The following NECTIN2 variants were observed in gnomAD, a reference collection of about 807,000 sequenced individuals.
NECTIN2 encodes nectin-2.
A neutral mutation model predicts 56.9 loss-of-function variants in NECTIN2; 23 were observed. That is an observed-to-expected ratio of 0.40 (90% confidence interval 0.29 to 0.57). The LOEUF (loss-of-function observed/expected upper bound fraction) is 0.57, where lower values mean the gene tolerates loss of function less well. Among genes scored for constraint, NECTIN2 ranks in the 20% least tolerant of loss-of-function variants. NECTIN2 has a pLI of 0.38. For synonymous variants in NECTIN2, 302 were observed against 313.8 expected (o/e 0.96, Z 0.40); for missense variants, 587 against 718.3 (o/e 0.82, Z 2.09).
intron 1 of NECTIN2, among the ~76,000 whole-genome samples, chr19:44,848,986 G>A (rs1381143373): frequency 6.6e-6 from 1 of 152,168 alleles, no homozygotes; most frequent in Non-Finnish European, 1.5e-5. Context: ...GTAGTGGAGG[G>A]GGAGGGGAGC....
chr19:44,863,467 T>C (rs1479445843), intron 1 of NECTIN2, among the ~76,000 whole-genome samples: 1 of 152,182 alleles, frequency 6.6e-6, no homozygotes, highest in African/African-American at 2.4e-5. Context: ...GTACGCTGTT[T>C]GCTATTCAGG....
chr19:44,852,663 A>G (rs8109701), intron 1 of NECTIN2, among the ~76,000 whole-genome samples: 2,556 of 152,210 alleles, frequency 0.017, 77 homozygotes, highest in African/African-American at 0.056. Flanking sequence ...GCAGTCCTCC[A>G]GGTGGGAAGT....
Position 44,878,201 on chromosome 19 carries a change from C to T in NECTIN2, c.1042+3723C>T, listed in dbSNP as rs186930841. 267 of 641,104 alleles carry T rather than the reference C, an allele frequency of 4.2e-4. 1 individual carries two copies. The African/African-American group carries it at 4.6e-3, about 11-fold the overall frequency. The allele number at this position is 641,104 out of a possible 1,614,324, so 39.7% of individuals were successfully genotyped here. On this transcript the variant is annotated intron_variant, in intron 5 of 8. Transcript: ENST00000252483. ...GTGTCTCCCTTTCTCTCTCTCTCAC[C>T]CCTCCTTCTCTCTCTCCTCAGAAAC...
chr19:44,879,133 C>G (rs1379363311), intron 5 of NECTIN2, among the ~76,000 whole-genome samples: 1 of 152,028 alleles, frequency 6.6e-6, no homozygotes, highest in Non-Finnish European at 1.5e-5. Flanking sequence ...ATTGGATGGC[C>G]GAGAACCGCA....
intron 1 of NECTIN2, among the ~76,000 whole-genome samples, chr19:44,847,753 C>T (rs1308354272): frequency 6.6e-6 from 1 of 152,160 alleles, no homozygotes; most frequent in Non-Finnish European, 1.5e-5. Flanking sequence ...CTCCGGGTTC[C>T]GGACTCCCCG....
At chr19:44,862,992 CAAAAAA>C (rs57740346) in intron 1 of NECTIN2, among the ~76,000 whole-genome samples, 93 of 123,106 alleles carry the variant, frequency 7.6e-4, no homozygotes, top group Non-Finnish European at 1.4e-3. Context: ...ACTAAAAATA[CAAAAAA>C]AAAAAAAAAA....
At position 44,846,372 on chromosome 19, in the gene NECTIN2, CGGGAGAGCAGAACA is replaced by C; in HGVS notation, c.-148_-135del. On this transcript the variant is annotated 5_prime_UTR_variant, in exon 1 of 9. Coordinates refer to ENST00000252483, the MANE Select transcript of NECTIN2 (RefSeq NM_001042724.2). ...CCGAGCCGGGCGGGGAGAGCTGGGC[CGGGAGAGCAGAACA>C]GGGAGGCTAGAGCGCAGCGGGAACC... The C allele has an allele frequency of 1.0e-6, 1 of 967,930 alleles. No homozygotes were observed. Among genetic ancestry groups the C allele is most frequent in the Non-Finnish European group, 1.4e-6 (1 of 716,398 alleles). 60.0% of individuals were successfully genotyped at this position (967,930 alleles called of 1,614,324 possible). A position where few individuals can be genotyped will look rare whatever the true frequency, so the allele number is the denominator to read the frequency against.
At chr19:44,870,953 C>T (rs1969167678) in intron 2 of NECTIN2, among the ~76,000 whole-genome samples, 3 of 152,174 alleles carry the variant, frequency 2.0e-5, no homozygotes, top group Admixed American at 1.3e-4. Context: ...TAGTCTAGAA[C>T]TCCTGACCTC....
chr19:44,851,562 T>C (rs1047000414), intron 1 of NECTIN2, among the ~76,000 whole-genome samples: 3 of 152,162 alleles, frequency 2.0e-5, no homozygotes, highest in South Asian at 4.1e-4. Context: ...CTGTCCCCAT[T>C]GTTCTCCCAT....
At chr19:44,883,656 T>TA (rs944136884) in intron 6 of NECTIN2, among the ~76,000 whole-genome samples, 4 of 151,996 alleles carry the variant, frequency 2.6e-5, no homozygotes, top group African/African-American at 9.7e-5. Context: ...ACACCATCTC[T>TA]AAAAAAATAA....
Position 44,875,281 on chromosome 19 carries a change from T to TG in NECTIN2, c.1042+803_1042+804insG, listed in dbSNP as rs1344687606. ...GAAAGGGACATTCTTTTTTTTTTTT[T>TG]TTGAGATGGAGTCTCGCTCTGTCGC... On this transcript the variant is annotated intron_variant, in intron 5 of 8. Coordinates refer to ENST00000252483, the MANE Select transcript of NECTIN2 (RefSeq NM_001042724.2). This position sits in a 1 kb window ranked among gnomAD's most constrained non-coding sequence, Gnocchi z 4.2. Among the ~76,000 whole-genome samples the TG allele has an allele frequency of 1.3e-5, 2 of 151,850 alleles. No homozygotes were observed. Among genetic ancestry groups the TG allele is most frequent in the African/African-American group, 4.8e-5 (2 of 41,360 alleles).
chr19:44,873,341 C>A (rs1294163765), intron 3 of NECTIN2, among the ~76,000 whole-genome samples: 1 of 152,162 alleles, frequency 6.6e-6, no homozygotes, highest in Admixed American at 6.5e-5. Flanking sequence ...ATGCCAAAAA[C>A]ACACACACAG....
intron 1 of NECTIN2, among the ~76,000 whole-genome samples, chr19:44,849,924 A>G (rs570177551): frequency 3.9e-5 from 6 of 152,332 alleles, no homozygotes; most frequent in African/African-American, 1.4e-4. Context: ...ACTGAACTGT[A>G]CACTTTAAAT....
At chr19:44,873,361 G>A (rs1018209113) in intron 3 of NECTIN2, among the ~76,000 whole-genome samples, 6 of 152,010 alleles carry the variant, frequency 3.9e-5, no homozygotes, top group South Asian at 2.1e-4. Context: ...GGCCGGGTGC[G>A]GTGGCTCACA....
chr19:44,887,400 T>C (rs1346475389), intron 8 of NECTIN2, among the ~76,000 whole-genome samples: 2 of 152,118 alleles, frequency 1.3e-5, no homozygotes, highest in Non-Finnish European at 2.9e-5. Context: ...CCCAGCACTT[T>C]GGGAGGCCAA....
rs753051882 is a variant in NECTIN2, at chr19:44,865,567, G to C, written c.385G>C (p.Gly129Arg). Residue 129 changes from glycine to arginine, a missense_variant, in exon 2 of 9, where the codon GGG becomes CGG. Coordinates refer to ENST00000252483, the MANE Select transcript of NECTIN2 (RefSeq NM_001042724.2). The surrounding 1 kb of genome is among the most constrained non-coding windows in gnomAD (Gnocchi z 5.2). ...ELQDATLALH[G>R]LTVEDEGNYT... ...CCAGGACGCCACGCTGGCCCTCCAC[G>C]GGCTCACGGTGGAGGACGAGGGCAA... The C allele has an allele frequency of 2.6e-6, 4 of 1,556,042 alleles. No homozygotes were observed. In the South Asian group the frequency reaches 4.7e-5, roughly 18 times the overall value.
intron 1 of NECTIN2, among the ~76,000 whole-genome samples, chr19:44,862,283 C>G (rs1461104067): frequency 1.4e-5 from 1 of 69,072 alleles, no homozygotes; most frequent in Admixed American, 1.2e-4. Context: ...TGTGTGGTGG[C>G]GGGCACCTGT....
intron 1 of NECTIN2, among the ~76,000 whole-genome samples, chr19:44,850,253 A>C: frequency 6.6e-6 from 1 of 152,122 alleles, no homozygotes; most frequent in East Asian, 1.9e-4. Context: ...GGAGACACAG[A>C]GGGACAGGGA....
At position 44,874,568 on chromosome 19, in the gene NECTIN2, C is replaced by T; in HGVS notation, c.1042+90C>T. 2.0e-6 allele frequency: 3 copies of T among 1,520,372 alleles called. No homozygotes were observed. The highest frequency in any genetic ancestry group is 2.7e-6 in the Non-Finnish European group (3 of 1,117,328). 94.2% of individuals were successfully genotyped at this position (1,520,372 alleles called of 1,614,324 possible). ...GGACTTGGGGCTGCACTGGGGGAGG[C>T]TGCGCCGCCGACCTGGGAGGGATGC... On this transcript the variant is annotated intron_variant, in intron 5 of 8. Coordinates refer to ENST00000252483, the MANE Select transcript of NECTIN2 (RefSeq NM_001042724.2). The surrounding 1 kb of genome is among the most constrained non-coding windows in gnomAD (Gnocchi z 6.3).
Sources: allele counts gnomAD v4.1 joint callset (sites outside exome capture counted in the v4.1 genomes callset), GRCh38; gene constraint gnomAD v4.1.1; non-coding constraint Gnocchi (gnomAD v3.1); transcripts MANE v1.5; gene names NCBI Gene and HGNC (gene_info 2026-07-23, HGNC 2026-07-21).